PDE7B: variants seen among roughly 807,000 people sequenced by gnomAD.
The protein encoded by PDE7B is phosphodiesterase 7B, also known as 3',5'-cyclic-AMP phosphodiesterase 7B.
Under a neutral mutation model 56.2 loss-of-function variants are expected in PDE7B, and 29 were observed. The observed-to-expected ratio is 0.52, with a 90% CI of 0.38 to 0.70. PDE7B has a LOEUF of 0.70. PDE7B is among the 30% of genes least tolerant of loss of function. The probability of loss-of-function intolerance (pLI) is 0.00; values close to 1 mark genes in which losing one functional copy is unlikely to be tolerated. For missense variants in PDE7B, 490 were observed against 565.0 expected, an observed-to-expected ratio of 0.87 and a Z score of 1.35; for synonymous variants, 197 against 196.9, an observed-to-expected ratio of 1.00 and a Z score of 0.00.
chr6:135,977,604 A>G (rs868811976), intron 2 of PDE7B, among the ~76,000 whole-genome samples: 2 of 152,076 alleles, frequency 1.3e-5, no homozygotes, highest in Admixed American at 6.6e-5. Context: ...TACAGACCTC[A>G]CTTTCATTGG....
chr6:135,861,434 A>G (rs952524398), intron 1 of PDE7B, among the ~76,000 whole-genome samples: 3 of 151,338 alleles, frequency 2.0e-5, no homozygotes, highest in Non-Finnish European at 4.4e-5. Context: ...ACCTTTTCAC[A>G]TGTATATTGG....
intron 2 of PDE7B, among the ~76,000 whole-genome samples, chr6:136,036,043 C>A (rs1776321357): frequency 6.6e-6 from 1 of 152,118 alleles, no homozygotes; most frequent in Non-Finnish European, 1.5e-5. Context: ...AAGTTTGTGA[C>A]TGAGGAGTGA....
rs984342841 is a variant in PDE7B, at chr6:135,988,759, G to A, written c.82+41235G>A. Reference sequence around the variant, plus strand: ...GAAAATCTCACCTCAGGGAAATCGTGAGATAAGAGTTTTGTTGTCACTGTT... The same window carrying A: ...GAAAATCTCACCTCAGGGAAATCGTAAGATAAGAGTTTTGTTGTCACTGTT... On this transcript the variant is annotated intron_variant, in intron 2 of 12. Transcript: ENST00000308191. Among the ~76,000 whole-genome samples the A allele has an allele frequency of 2.6e-5, 4 of 152,306 alleles. No homozygotes were observed. The East Asian group carries it at 5.8e-4, about 22-fold the overall frequency.
intron 2 of PDE7B, among the ~76,000 whole-genome samples, chr6:135,964,429 T>A (rs1436654343): frequency 6.6e-6 from 1 of 152,070 alleles, no homozygotes; most frequent in South Asian, 2.1e-4. Flanking sequence ...TTAAAGTAAA[T>A]CATCATACTG....
intron 2 of PDE7B, among the ~76,000 whole-genome samples, chr6:135,995,936 A>C (rs1775557327): frequency 6.6e-6 from 1 of 152,200 alleles, no homozygotes; most frequent in South Asian, 2.1e-4. Flanking sequence ...TAACACCATA[A>C]ATTTCTCAGC....
chr6:135,947,416 A>C lies in PDE7B; in HGVS notation c.22-48A>C, dbSNP rs766795398. 5 of 1,387,746 alleles carry C rather than the reference A, an allele frequency of 3.6e-6. No individual in the cohort carries two copies. The East Asian group carries it at 1.1e-4, about 32-fold the overall frequency. The allele number at this position is 1,387,746 out of a possible 1,614,324, so 86.0% of individuals were successfully genotyped here. ...GTCACATGGATATATTGTCTTGGGAATCTTGATATGAAATCTTAAAATAAC... is the reference window on the plus strand; with the variant it reads ...GTCACATGGATATATTGTCTTGGGACTCTTGATATGAAATCTTAAAATAAC... On this transcript the variant is annotated intron_variant, in intron 1 of 12. Transcript: ENST00000308191.
chr6:135,931,277 A>G (rs1022448636), intron 1 of PDE7B, among the ~76,000 whole-genome samples: 2 of 152,180 alleles, frequency 1.3e-5, no homozygotes, highest in Non-Finnish European at 2.9e-5. Flanking sequence ...CCTCAATTTC[A>G]CCTAAGTGAT....
At chr6:136,003,613 A>G (rs1212203478) in intron 2 of PDE7B, among the ~76,000 whole-genome samples, 1 of 152,228 alleles carries the variant, frequency 6.6e-6, no homozygotes, top group Non-Finnish European at 1.5e-5. Context: ...AGAAATGGAT[A>G]AATTCCTGGA....
chr6:136,128,123 T>C (rs73565071), intron 3 of PDE7B, among the ~76,000 whole-genome samples: 144 of 152,294 alleles, frequency 9.5e-4, no homozygotes, highest in African/African-American at 3.3e-3. Context: ...GTCTTGCTTT[T>C]TACCAAGAGC....
intron 8 of PDE7B, among the ~76,000 whole-genome samples, chr6:136,156,238 G>A (rs973971778): frequency 1.3e-5 from 2 of 148,940 alleles, no homozygotes; most frequent in Admixed American, 6.8e-5. Context: ...CACCCAGGCT[G>A]GAGTGCAATA....
intron 2 of PDE7B, chr6:136,012,517 G>A (rs1400414705): frequency 1.3e-5 from 2 of 152,174 alleles, no homozygotes; most frequent in African/African-American, 4.8e-5. Flanking sequence ...AAAAGTTAAG[G>A]AACGAGGAAT....
intron 4 of PDE7B, 44 bp downstream of exon 4, chr6:136,147,546 G>A (rs1468673880): frequency 6.4e-7 from 1 of 1,573,554 alleles, no homozygotes; most frequent in East Asian, 2.2e-5. Context: ...CAGTGGCCAA[G>A]AGCATGTGCC....
intron 1 of PDE7B, among the ~76,000 whole-genome samples, chr6:135,910,777 A>AC (rs1362647239): frequency 6.7e-6 from 1 of 150,138 alleles, no homozygotes; most frequent in East Asian, 1.9e-4. Flanking sequence ...TACCTTCACC[A>AC]CCCCCTGCCC....
chr6:136,012,488 A>C (rs1466372873), intron 2 of PDE7B: 1 of 152,242 alleles, frequency 6.6e-6, no homozygotes, highest in African/African-American at 2.4e-5. Context: ...ATTCACAAAT[A>C]GTTGCAGTCA....
chr6:135,935,190 T>TATATATATATATATATA (rs1774395141), intron 1 of PDE7B, among the ~76,000 whole-genome samples: 2 of 36,192 alleles, frequency 5.5e-5, no homozygotes, highest in African/African-American at 2.4e-4. Flanking sequence ...ATATATTTAT[T>TATATATATATATATATA]TATATATATA....
At position 136,194,368 on chromosome 6, in the gene PDE7B, C is replaced by G. The variant is rs1302848466; in HGVS notation, c.*2528C>G. The G allele has an allele frequency of 6.6e-6, 1 of 152,036 alleles. No homozygotes were observed. The highest frequency in any genetic ancestry group is 1.9e-4 in the East Asian group (1 of 5,188). The allele number at this position is 152,036 out of a possible 1,614,324, so 9.4% of individuals were successfully genotyped here. On this transcript the variant is annotated 3_prime_UTR_variant, in exon 13 of 13. Coordinates refer to ENST00000308191, the MANE Select transcript of PDE7B (RefSeq NM_018945.4). The stretch of plus-strand genomic sequence containing the variant: ...CAATTAGGTCTTGAAGAAGAGCTCA[C>G]AGAGAAAAAACTACCAAATATCCAA...
At position 135,999,925 on chromosome 6, in the gene PDE7B, G is replaced by A. The variant is rs185286313; in HGVS notation, c.82+52401G>A. 4.6e-5 allele frequency among the ~76,000 whole-genome samples: 7 copies of A among 152,234 alleles called. No individual in the cohort carries two copies. In the East Asian group the frequency reaches 1.4e-3, roughly 29 times the overall value. ...TTTCTCTGCAACCTCACCAGCATAT[G>A]TTATTTTTTGACTTTTTAATGATAG... On this transcript the variant is annotated intron_variant, in intron 2 of 12. Transcript: ENST00000308191.
At chr6:135,882,959 T>C (rs1583735169) in intron 1 of PDE7B, among the ~76,000 whole-genome samples, 1 of 152,302 alleles carries the variant, frequency 6.6e-6, no homozygotes, top group Non-Finnish European at 1.5e-5. Flanking sequence ...ATAATCTCTT[T>C]TTTCATAAGG....
chr6:135,905,435 G>A (rs1776082179), intron 1 of PDE7B, among the ~76,000 whole-genome samples: 2 of 151,836 alleles, frequency 1.3e-5, no homozygotes, highest in South Asian at 4.2e-4. Context: ...TGACAAAAGA[G>A]AAACACTAAC....
Sources: gnomAD v4.1 joint callset for allele counts (sites outside exome capture counted in the v4.1 genomes callset) on GRCh38, gnomAD v4.1.1 for gene constraint, MANE v1.5 for transcripts, NCBI Gene and HGNC (gene_info 2026-07-23, HGNC 2026-07-21) for gene names.